Variants in GNA12 observed in about 807,000 individuals in gnomAD.
GNA12 encodes the protein guanine nucleotide-binding protein subunit alpha-12.
GNA12 carries 9 observed loss-of-function variants against 26.0 expected under a neutral mutation model. The observed-to-expected ratio is 0.35, with a 90% CI of 0.21 to 0.60. The LOEUF is 0.60. Among genes scored for constraint, GNA12 ranks in the 20% least tolerant of loss-of-function variants. GNA12 has a pLI of 0.78. For missense variants in GNA12, 405 were observed against 525.8 expected, an observed-to-expected ratio of 0.77 and a Z score of 2.25; for synonymous variants, 264 against 219.6, an observed-to-expected ratio of 1.20 and a Z score of -1.79.
chr7:2,842,098 G>A (rs577734383), intron 1 of GNA12, among the ~76,000 whole-genome samples: 10 of 80,448 alleles, frequency 1.2e-4, no homozygotes, highest in African/African-American at 3.7e-4. Flanking sequence ...GGAAAGGAAG[G>A]AAAGGAAGGA....
Position 2,840,805 on chromosome 7 carries a change from A to C in GNA12, c.309+3048T>G, listed in dbSNP as rs568749509. Among the ~76,000 whole-genome samples the C allele has an allele frequency of 4.5e-4, 69 of 152,182 alleles. No individual in the cohort carries two copies. The South Asian group carries it at 0.014, about 31-fold the overall frequency. ...GCGACGCAAGGCCACAGTGAGCCAT[A>C]ATCCTGCCACTGCACTCCAGCCTGG... On this transcript the variant is annotated intron_variant, in intron 1 of 3. Coordinates refer to ENST00000275364, the MANE Select transcript of GNA12 (RefSeq NM_007353.3).
At chr7:2,749,798 G>T (rs1226927256) in intron 2 of GNA12, among the ~76,000 whole-genome samples, 4 of 152,136 alleles carry the variant, frequency 2.6e-5, no homozygotes, top group Admixed American at 6.5e-5. Flanking sequence ...AGAGACTGGG[G>T]ATGAGAGAGG....
At chr7:2,843,811 G>C (rs1446958357) in intron 1 of GNA12, 42 bp downstream of exon 1, 6 of 1,212,012 alleles carry the variant, frequency 5.0e-6, no homozygotes, top group Non-Finnish European at 4.4e-6. Flanking sequence ...TTAGCGCCCC[G>C]GCCCACCTGG....
chr7:2,756,725 T>C (rs901163322), intron 2 of GNA12, among the ~76,000 whole-genome samples: 5 of 152,232 alleles, frequency 3.3e-5, no homozygotes, highest in Non-Finnish European at 7.3e-5. Flanking sequence ...CCCCTGTCTT[T>C]CCCTGGAGTG....
Position 2,745,375 on chromosome 7 carries a change from A to T in GNA12, c.526-11874T>A, listed in dbSNP as rs2115343290. Among the ~76,000 whole-genome samples, 4 of 152,354 alleles carry T rather than the reference A, an allele frequency of 2.6e-5. 1 individual carries two copies. The highest frequency in any genetic ancestry group is 2.6e-4 in the Admixed American group (4 of 15,304). On this transcript the variant is annotated intron_variant, in intron 2 of 3. Coordinates refer to ENST00000275364, the MANE Select transcript of GNA12 (RefSeq NM_007353.3). ...GTGGGGGCCAATATTCAACATTCTT[A>T]AAGAAAATAATTTTCAACCCAGAAT...
intron 1 of GNA12, among the ~76,000 whole-genome samples, chr7:2,802,667 T>A (rs903505133): frequency 6.6e-6 from 1 of 152,188 alleles, no homozygotes; most frequent in African/African-American, 2.4e-5. Context: ...CAACAGCATG[T>A]GGACTTGGAA....
intron 2 of GNA12, among the ~76,000 whole-genome samples, chr7:2,761,344 G>A (rs1385253480): frequency 6.6e-6 from 1 of 152,206 alleles, no homozygotes; most frequent in Non-Finnish European, 1.5e-5. Flanking sequence ...TAGAGGCACG[G>A]GGTGGGCACG....
intron 2 of GNA12, among the ~76,000 whole-genome samples, chr7:2,753,966 A>T (rs552408048): frequency 6.6e-6 from 1 of 152,240 alleles, no homozygotes; most frequent in African/African-American, 2.4e-5. Context: ...GGCGCATCTT[A>T]GGTGCTTTGT....
In GNA12 at chr7:2,843,790, C is replaced by T. The variant is rs1252006087; in HGVS notation, c.309+63G>A. 2.5e-5 allele frequency: 22 copies of T among 874,192 alleles called. No homozygotes were observed. In the African/African-American group the frequency reaches 4.6e-4, roughly 18 times the overall value. 54.2% of individuals were successfully genotyped at this position (874,192 alleles called of 1,614,324 possible). A position where few individuals can be genotyped will look rare whatever the true frequency, so the allele number is the denominator to read the frequency against. ...CGCGGCGGCGGACCACGGAGGGGCC[C>T]GGGGCGGGGGTTAGCGCCCCGGCCC... On this transcript the variant is annotated intron_variant, in intron 1 of 3. Transcript: ENST00000275364.
chr7:2,844,093 G>A lies in GNA12; in HGVS notation c.69C>T (p.Arg23=). 9.9e-7 allele frequency: 1 copy of A among 1,008,608 alleles called. No individual in the cohort carries two copies. The highest frequency in any genetic ancestry group is 1.2e-6 in the Non-Finnish European group (1 of 847,538). 62.5% of individuals were successfully genotyped at this position (1,008,608 alleles called of 1,614,324 possible). Residue 23 remains arginine, a synonymous_variant, in exon 1 of 4, where the codon CGC becomes CGT. Coordinates refer to ENST00000275364, the MANE Select transcript of GNA12 (RefSeq NM_007353.3). ...CGTCGCGCGCGCCGCTGCCCGCCCTGCGCTCGCGGGCCCCGCCGGCCTCGG... is the reference window on the plus strand; with the variant it reads ...CGTCGCGCGCGCCGCTGCCCGCCCTACGCTCGCGGGCCCCGCCGGCCTCGG... ...LPAEAGGARE[R]RAGSGARDAE... is the part of the protein sequence containing the mutation.
chr7:2,809,534 C>A lies in GNA12; in HGVS notation c.310-14391G>T, dbSNP rs138407899. Among the ~76,000 whole-genome samples the A allele has an allele frequency of 7.8e-3, 1,190 of 152,090 alleles. 8 individuals are homozygous for A. The highest frequency in any genetic ancestry group is 0.013 in the Non-Finnish European group (869 of 67,992). The stretch of plus-strand genomic sequence containing the variant: ...TTATTTGAAAAAAAAATTAGTTGTA[C>A]AATGGATCTGAAAATTCCTCCTAAA... On this transcript the variant is annotated intron_variant, in intron 1 of 3. Transcript: ENST00000275364.
intron 1 of GNA12, among the ~76,000 whole-genome samples, chr7:2,817,998 A>T (rs1278957599): frequency 2.0e-5 from 3 of 152,186 alleles, no homozygotes; most frequent in Non-Finnish European, 4.4e-5. Flanking sequence ...AAAGAAGAAA[A>T]AGTACTAGCA....
At chr7:2,795,225 A>G in intron 1 of GNA12, 82 bp from the exon 2 acceptor site, 2 of 1,016,700 alleles carry the variant, frequency 2.0e-6, no homozygotes, top group Non-Finnish European at 3.0e-6. Flanking sequence ...ATGGGCATCC[A>G]TTGTCATAAC....
intron 1 of GNA12, among the ~76,000 whole-genome samples, chr7:2,807,302 A>G (rs1792972455): frequency 6.6e-6 from 1 of 150,724 alleles, no homozygotes; most frequent in Non-Finnish European, 1.5e-5. Context: ...TTATAATACA[A>G]TAATAAGTAA....
chr7:2,753,151 C>A (rs117143565), intron 2 of GNA12, among the ~76,000 whole-genome samples: 2 of 148,324 alleles, frequency 1.3e-5, no homozygotes, highest in African/African-American at 5.0e-5. Context: ...ATACAGCATG[C>A]GGCTTTTTTT....
chr7:2,794,356 G>A lies in GNA12; in HGVS notation c.525+572C>T, dbSNP rs74710856. On this transcript the variant is annotated intron_variant, in intron 2 of 3. Transcript: ENST00000275364. ...AAATTGTACATTTTACTTTATATAC[G>A]GTTAATTTTGAAAGGTAGAAAAAAA... Among the ~76,000 whole-genome samples the A allele has an allele frequency of 9.8e-3, 1,483 of 152,050 alleles. 17 individuals carry two copies. The highest frequency in any genetic ancestry group is 0.033 in the African/African-American group (1,376 of 41,450).
intron 2 of GNA12, among the ~76,000 whole-genome samples, chr7:2,776,630 G>A (rs1442481592): frequency 6.6e-6 from 1 of 152,210 alleles, no homozygotes; most frequent in African/African-American, 2.4e-5. Context: ...GCCGAGAGAG[G>A]AGCAGGCTGG....
intron 2 of GNA12, among the ~76,000 whole-genome samples, chr7:2,789,830 G>C (rs1221499200): frequency 1.3e-5 from 2 of 152,174 alleles, no homozygotes; most frequent in African/African-American, 4.8e-5. Flanking sequence ...AGCCACAGAG[G>C]AAGCCAGGCC....
chr7:2,826,337 A>T (rs1793484630), intron 1 of GNA12, among the ~76,000 whole-genome samples: 1 of 148,314 alleles, frequency 6.7e-6, no homozygotes. Flanking sequence ...AGATCACGCC[A>T]CTGTACTCCA....
Sources: allele counts gnomAD v4.1 joint callset (sites outside exome capture counted in the v4.1 genomes callset), GRCh38; gene constraint gnomAD v4.1.1; transcripts MANE v1.5; gene names NCBI Gene and HGNC (gene_info 2026-07-23, HGNC 2026-07-21).